NUCB1: variants seen among roughly 807,000 people sequenced by gnomAD.
The protein encoded by NUCB1 is nucleobindin 1.
NUCB1 carries 47 observed loss-of-function variants against 61.2 expected under a neutral mutation model. The observed-to-expected ratio is 0.77, with a 90% confidence interval of 0.61 to 0.98. The LOEUF is 0.98. NUCB1 is among the 50% of genes least tolerant of loss of function. The pLI is 0.00. For synonymous variants in NUCB1, 234 were observed against 243.1 expected, an observed-to-expected ratio of 0.96 and a Z score of 0.35; for missense variants, 583 against 605.3, an observed-to-expected ratio of 0.96 and a Z score of 0.39.
chr19:48,915,423 G>A (rs757997219), intron 7 of NUCB1, among the ~76,000 whole-genome samples: 14 of 152,122 alleles, frequency 9.2e-5, no homozygotes, highest in Non-Finnish European at 1.8e-4. Context: ...GCTTGAACCC[G>A]GGAGGCGGAA....
At position 48,913,112 on chromosome 19, in the gene NUCB1, G is replaced by A. The variant is rs1318627708; in HGVS notation, c.582G>A (p.Leu194=). The A allele has an allele frequency of 2.5e-6, 4 of 1,613,900 alleles. No homozygotes were observed. Among genetic ancestry groups the A allele is most frequent in the African/African-American group, 2.7e-5 (2 of 74,986 alleles). The change falls in exon 6 of 13, where the codon CTG becomes CTA. Residue 194 remains leucine, a synonymous_variant. Coordinates refer to ENST00000405315, the MANE Select transcript of NUCB1 (RefSeq NM_006184.6). ...EHERRRYLES[L]GEEQRKEAER... ...AGAGACGGCGTTATCTGGAGTCACT[G>A]GGAGAGGAGCAGAGAAAGGAGGCGG...
At chr19:48,900,955 C>T (rs569087575) in intron 2 of NUCB1, 24 bp downstream of exon 2, 5 of 1,613,594 alleles carry the variant, frequency 3.1e-6, no homozygotes, top group Non-Finnish European at 3.4e-6. Flanking sequence ...CCCTGCTATC[C>T]AGCCAGGTGT....
chr19:48,922,265 G>GGTGTGA, intron 12 of NUCB1, 53 bp from the exon 13 acceptor site: 1 of 1,484,856 alleles, frequency 6.7e-7, no homozygotes, highest in Non-Finnish European at 9.4e-7. Context: ...TGGGGTCCTG[G>GGTGTGA]GGGAGGAGGG....
chr19:48,907,362 G>C (rs563607521), intron 4 of NUCB1, among the ~76,000 whole-genome samples: 1 of 140,762 alleles, frequency 7.1e-6, no homozygotes, highest in African/African-American at 2.7e-5. Flanking sequence ...TGCAACCTCC[G>C]CCTCCTGGGT....
Position 48,919,090 on chromosome 19 carries a change from C to A in NUCB1, c.877C>A (p.Arg293=). 6.2e-7 allele frequency: 1 copy of A among 1,614,076 alleles called. No individual in the cohort carries two copies. The highest frequency in any genetic ancestry group is 8.5e-7 in the Non-Finnish European group (1 of 1,180,016). ...EDDMREMEEE[R]LRMREHVMKN... ...CGACATGCGGGAGATGGAGGAGGAG[C>A]GACTGCGCATGCGGGAGCATGTGAT... Residue 293 remains arginine, a synonymous_variant, in exon 9 of 13, where the codon CGA becomes AGA. Transcript: ENST00000405315.
intron 7 of NUCB1, 107 bp downstream of exon 7, chr19:48,913,671 C>T (rs2037505573): frequency 1.1e-5 from 10 of 887,540 alleles, no homozygotes; most frequent in Admixed American, 2.0e-5. Flanking sequence ...CTTAGTCAGG[C>T]CCAAGAGCCA....
intron 3 of NUCB1, 97 bp from the exon 4 acceptor site, chr19:48,905,656 G>C: frequency 1.4e-6 from 2 of 1,402,160 alleles, no homozygotes; most frequent in South Asian, 2.5e-5. Context: ...GCAGGGAAGG[G>C]GCAGTATAAG....
At chr19:48,901,057 G>GC in intron 2 of NUCB1, 126 bp downstream of exon 2, 1 of 1,141,322 alleles carries the variant, frequency 8.8e-7, no homozygotes, top group African/African-American at 1.5e-5. Context: ...CTTGTTTTTT[G>GC]CCCACCATTC....
At chr19:48,900,716 C>T in intron 1 of NUCB1, 70 bp from the exon 2 acceptor site, 1 of 1,550,366 alleles carries the variant, frequency 6.5e-7, no homozygotes. Flanking sequence ...GGGGCCCGAA[C>T]TCCTGGTTCC....
rs377282438 is a variant in NUCB1, at chr19:48,919,301, G to A, written c.1002+15G>A. ...AGGGCTGGGAGGTGAGAACATGGGGGATACTCGGGGTCCTGAACCTCTCTC... is the reference window on the plus strand; with the variant it reads ...AGGGCTGGGAGGTGAGAACATGGGGAATACTCGGGGTCCTGAACCTCTCTC... On this transcript the variant is annotated intron_variant, in intron 10 of 12. Coordinates refer to ENST00000405315, the MANE Select transcript of NUCB1 (RefSeq NM_006184.6). The A allele has an allele frequency of 4.4e-6, 7 of 1,588,290 alleles. No individual in the cohort carries two copies. The African/African-American group carries it at 8.1e-5, about 18-fold the overall frequency.
rs369477250 is a variant in NUCB1, at chr19:48,913,038, G to A, written c.508G>A (p.Ala170Thr). The A allele has an allele frequency of 3.0e-5, 48 of 1,612,888 alleles. No individual in the cohort carries two copies. The highest frequency in any genetic ancestry group is 8.4e-5 in the Admixed American group (5 of 59,716). The change falls in exon 6 of 13, where the codon GCA becomes ACA. Residue 170 changes from alanine to threonine, a missense_variant. Physicochemically the swap from Ala to Thr is moderately conservative, Grantham distance 58. Transcript: ENST00000405315. ...CACCCGGGACCTTGCCCAGTACGAC[G>A]CAGCCCATCATGAAGAGTTCAAGCG... ...TATRDLAQYD[A>T]AHHEEFKRYE...
chr19:48,913,275 C>T (rs1469306497), intron 6 of NUCB1, 79 bp downstream of exon 6: 4 of 1,429,816 alleles, frequency 2.8e-6, no homozygotes, highest in Non-Finnish European at 3.7e-6. Context: ...TAAAGAACTA[C>T]AATTCCCAGG....
At chr19:48,910,754 C>G (rs2037462792) in intron 4 of NUCB1, among the ~76,000 whole-genome samples, 1 of 151,998 alleles carries the variant, frequency 6.6e-6, no homozygotes, top group Non-Finnish European at 1.5e-5. Flanking sequence ...TGGTTCCCAT[C>G]CTTGCTCTGC....
At chr19:48,907,253 G>T (rs1160386208) in intron 4 of NUCB1, among the ~76,000 whole-genome samples, 1 of 147,536 alleles carries the variant, frequency 6.8e-6, no homozygotes, top group Non-Finnish European at 1.5e-5. Context: ...GATTACAGGT[G>T]TGAGCCACCG....
intron 4 of NUCB1, among the ~76,000 whole-genome samples, chr19:48,906,769 G>T (rs1485407736): frequency 6.6e-5 from 10 of 151,950 alleles, no homozygotes; most frequent in Non-Finnish European, 1.5e-4. Context: ...AAAGTTGTAA[G>T]AGTAGTACAG....
At chr19:48,906,219 A>G (rs2037411988) in intron 4 of NUCB1, among the ~76,000 whole-genome samples, 1 of 152,062 alleles carries the variant, frequency 6.6e-6, no homozygotes, top group Non-Finnish European at 1.5e-5. Flanking sequence ...TATCTGGCCA[A>G]CATGGTGAAA....
intron 10 of NUCB1, among the ~76,000 whole-genome samples, chr19:48,919,652 A>G (rs1439469779): frequency 1.3e-5 from 2 of 149,698 alleles, no homozygotes; most frequent in Non-Finnish European, 3.0e-5. Flanking sequence ...TGATTTTTGT[A>G]TTTTTAGTAG....
At chr19:48,912,534 A>G (rs2037485654) in intron 5 of NUCB1, among the ~76,000 whole-genome samples, 1 of 152,038 alleles carries the variant, frequency 6.6e-6, no homozygotes, top group Non-Finnish European at 1.5e-5. Flanking sequence ...CAGTCATGGA[A>G]ACCAAAAAGG....
intron 7 of NUCB1, among the ~76,000 whole-genome samples, chr19:48,915,630 T>C (rs543813066): frequency 2.6e-5 from 4 of 151,990 alleles, no homozygotes; most frequent in Non-Finnish European, 5.9e-5. Flanking sequence ...CTCCCAAGTA[T>C]CTGGGACCAC....
Sources: gnomAD v4.1 joint callset for allele counts (sites outside exome capture counted in the v4.1 genomes callset) on GRCh38, gnomAD v4.1.1 for gene constraint, MANE v1.5 for transcripts, NCBI Gene and HGNC (gene_info 2026-07-23, HGNC 2026-07-21) for gene names.